MTUS2: variants seen among roughly 807,000 people sequenced by gnomAD.
MTUS2 encodes microtubule-associated tumor suppressor candidate 2.
In MTUS2, 40 loss-of-function variants were observed where a neutral mutation model predicts 114.1. The observed-to-expected ratio is 0.35, with a 90% CI of 0.27 to 0.46. The LOEUF (loss-of-function observed/expected upper bound fraction) is 0.46, where lower values mean the gene tolerates loss of function less well. Among genes scored for constraint, MTUS2 ranks in the 20% least tolerant of loss-of-function variants. The pLI is 1.00. For synonymous variants in MTUS2, 688 were observed against 672.0 expected (o/e 1.02, Z -0.37); for missense variants, 1,679 against 1,705.4 (o/e 0.98, Z 0.27).
chr13:28,990,588 C>T (rs912287382), intron 2 of MTUS2, among the ~76,000 whole-genome samples: 1 of 151,984 alleles, frequency 6.6e-6, no homozygotes, highest in Non-Finnish European at 1.5e-5. Context: ...TGTAAAAACG[C>T]ACCAATCAGT....
chr13:29,197,344 G>C lies in MTUS2; in HGVS notation c.2645-84360G>C, dbSNP rs938907118. Among the ~76,000 whole-genome samples, 4 of 152,056 alleles carry C rather than the reference G, an allele frequency of 2.6e-5. No homozygotes were observed. The East Asian group carries it at 5.8e-4, about 22-fold the overall frequency. On this transcript the variant is annotated intron_variant, in intron 5 of 15. Coordinates refer to ENST00000612955, the MANE Select transcript of MTUS2 (RefSeq NM_001033602.4). Reference sequence around the variant, plus strand: ...TGGTTGGTTTTCTGTTCCTGTGTTAGTTTGCTGAGAATGATGGTTTCCAGC... The same window carrying C: ...TGGTTGGTTTTCTGTTCCTGTGTTACTTTGCTGAGAATGATGGTTTCCAGC...
intron 9 of MTUS2, among the ~76,000 whole-genome samples, chr13:29,453,828 G>A (rs568469213): frequency 6.6e-6 from 1 of 152,274 alleles, no homozygotes; most frequent in East Asian, 1.9e-4. Context: ...TAAAAAGCAG[G>A]GCCGGTGTCT....
intron 10 of MTUS2, among the ~76,000 whole-genome samples, chr13:29,484,502 G>A (rs531812784): frequency 2.0e-5 from 3 of 152,240 alleles, no homozygotes; most frequent in Non-Finnish European, 4.4e-5. Context: ...GAGGGCTGCA[G>A]AGGGGCAAAG....
intron 2 of MTUS2, among the ~76,000 whole-genome samples, chr13:28,968,808 T>G (rs1255768361): frequency 6.6e-6 from 1 of 152,202 alleles, no homozygotes; most frequent in Non-Finnish European, 1.5e-5. Context: ...TTCTAAAACA[T>G]TCTTCACTTG....
At chr13:29,332,257 G>A (rs1900817034) in intron 7 of MTUS2, among the ~76,000 whole-genome samples, 3 of 152,154 alleles carry the variant, frequency 2.0e-5, no homozygotes, top group Non-Finnish European at 4.4e-5. Context: ...GATCTATTCA[G>A]GGATTCGACT....
At chr13:28,911,187 T>C (rs1880407020) in intron 2 of MTUS2, among the ~76,000 whole-genome samples, 1 of 146,386 alleles carries the variant, frequency 6.8e-6, no homozygotes, top group African/African-American at 2.5e-5. Context: ...TTTTTTTTTT[T>C]TTTTTTTCAG....
intron 2 of MTUS2, among the ~76,000 whole-genome samples, chr13:28,907,073 C>A (rs1427443881): frequency 2.0e-5 from 3 of 151,548 alleles, no homozygotes; most frequent in African/African-American, 7.3e-5. Context: ...ACCGTACAAG[C>A]CAGAAGAGAG....
At position 29,230,883 on chromosome 13, in the gene MTUS2, C is replaced by T. The variant is rs189493207; in HGVS notation, c.2645-50821C>T. 1.4e-4 allele frequency among the ~76,000 whole-genome samples: 21 copies of T among 152,302 alleles called. 1 individual carries two copies. In the East Asian group the frequency reaches 2.5e-3, roughly 18 times the overall value. Reference sequence around the variant, plus strand: ...AGAAGAGTATTTAGGTGGGTTGCAGCATCACACAAGAATGGCAAGTCTTTA... The same window carrying T: ...AGAAGAGTATTTAGGTGGGTTGCAGTATCACACAAGAATGGCAAGTCTTTA... On this transcript the variant is annotated intron_variant, in intron 5 of 15. Coordinates refer to ENST00000612955, the MANE Select transcript of MTUS2 (RefSeq NM_001033602.4).
rs191998847 is a variant in MTUS2 at position 29,249,364 on chromosome 13, A to G, written c.2645-32340A>G. 2.6e-3 allele frequency among the ~76,000 whole-genome samples: 400 copies of G among 152,304 alleles called. 3 individuals carry two copies. Among genetic ancestry groups the G allele is most frequent in the African/African-American group, 9.4e-3 (390 of 41,572 alleles). ...TGGGTCAAATGGTATTTGTGGTTCT[A>G]AATCCTTGAGGAATCACCATACTGT... is the stretch of plus-strand genomic sequence containing the variant. On this transcript the variant is annotated intron_variant, in intron 5 of 15. Transcript: ENST00000612955.
intron 5 of MTUS2, among the ~76,000 whole-genome samples, chr13:29,249,998 T>G (rs530343193): frequency 5.3e-5 from 8 of 152,156 alleles, no homozygotes; most frequent in Admixed American, 5.2e-4. Flanking sequence ...CCAAAAGCAA[T>G]TGCAACAAAA....
chr13:29,352,403 T>G lies in MTUS2; in HGVS notation c.2906-6859T>G, dbSNP rs538763384. Among the ~76,000 whole-genome samples, 105 of 152,234 alleles carry G rather than the reference T, an allele frequency of 6.9e-4. 4 individuals carry two copies. Among genetic ancestry groups the G allele is most frequent in the Non-Finnish European group, 3.2e-4 (22 of 68,052 alleles). On this transcript the variant is annotated intron_variant, in intron 7 of 15. Coordinates refer to ENST00000612955, the MANE Select transcript of MTUS2 (RefSeq NM_001033602.4). ...AGCTGTTTTGATGCCAGCATTTTGA[T>G]AAAATGGCAGCCAAATATCCCCATG...
chr13:28,892,247 C>T (rs1846587323), intron 2 of MTUS2, among the ~76,000 whole-genome samples: 1 of 152,136 alleles, frequency 6.6e-6, no homozygotes, highest in South Asian at 2.1e-4. Flanking sequence ...TGTATCTGTA[C>T]TGAATGATCA....
At chr13:29,388,310 C>T (rs1000748714) in intron 8 of MTUS2, among the ~76,000 whole-genome samples, 15 of 151,984 alleles carry the variant, frequency 9.9e-5, no homozygotes, top group Admixed American at 8.5e-4. Context: ...TTGTTGTCTT[C>T]GTACTTTTTT....
chr13:29,402,800 G>A (rs766002686), intron 8 of MTUS2, among the ~76,000 whole-genome samples: 1 of 151,988 alleles, frequency 6.6e-6, no homozygotes, highest in African/African-American at 2.4e-5. Flanking sequence ...GCTCTGTCAC[G>A]ATCTCACCTC....
At chr13:29,451,317 A>G (rs1271662057) in intron 9 of MTUS2, among the ~76,000 whole-genome samples, 1 of 152,260 alleles carries the variant, frequency 6.6e-6, no homozygotes, top group Non-Finnish European at 1.5e-5. Context: ...TTGGAAATTA[A>G]ACAACATCCA....
At chr13:29,368,680 C>A (rs1870945602) in intron 8 of MTUS2, among the ~76,000 whole-genome samples, 1 of 152,218 alleles carries the variant, frequency 6.6e-6, no homozygotes, top group South Asian at 2.1e-4. Flanking sequence ...CATCCTGCAT[C>A]CCTCCAGAGC....
chr13:28,911,580 A>G (rs1880435046), intron 2 of MTUS2, among the ~76,000 whole-genome samples: 2 of 151,824 alleles, frequency 1.3e-5, no homozygotes, highest in African/African-American at 4.8e-5. Context: ...GAATTGCCAC[A>G]CTGTCTTCCA....
At chr13:29,328,825 G>A (rs902945726) in intron 7 of MTUS2, among the ~76,000 whole-genome samples, 3 of 152,130 alleles carry the variant, frequency 2.0e-5, no homozygotes, top group Non-Finnish European at 4.4e-5. Context: ...TTCAAAACAC[G>A]TTAAAGAAAT....
intron 6 of MTUS2, among the ~76,000 whole-genome samples, chr13:29,286,672 G>GTCTGTCTATCTATCTATCTA (rs577593135): frequency 7.5e-4 from 83 of 111,008 alleles, no homozygotes; most frequent in African/African-American, 2.0e-3. Flanking sequence ...CTGTCTGTCT[G>GTCTGTCTATCTATCTATCTA]TCTATCTATC....
Sources: gnomAD v4.1 joint callset for allele counts (sites outside exome capture counted in the v4.1 genomes callset) on GRCh38, gnomAD v4.1.1 for gene constraint, MANE v1.5 for transcripts, NCBI Gene and HGNC (gene_info 2026-07-23, HGNC 2026-07-21) for gene names.